DLGAP3: variants seen among roughly 807,000 people sequenced by gnomAD.
DLGAP3 encodes the protein disks large-associated protein 3.
DLGAP3 carries 17 observed loss-of-function variants against 81.2 expected under a neutral mutation model. The ratio of observed to expected loss-of-function variants is 0.21; its 90% CI spans 0.14 to 0.31. DLGAP3 has a LOEUF of 0.31. Among genes scored for constraint, DLGAP3 ranks in the 10% least tolerant of loss-of-function variants. The pLI, the probability that DLGAP3 is intolerant of heterozygous loss-of-function variation, is 1.00. For missense variants in DLGAP3, 1,124 were observed against 1,388.0 expected (o/e 0.81, Z 3.02); for synonymous variants, 577 against 587.4 (o/e 0.98, Z 0.26).
chr1:34,882,314 T>C (rs1264712719), intron 8 of DLGAP3, among the ~76,000 whole-genome samples: 1 of 152,004 alleles, frequency 6.6e-6, no homozygotes, highest in African/African-American at 2.4e-5. Context: ...CCATCTCTAC[T>C]GAAAACACAA....
At chr1:34,880,496 T>C (rs942168353) in intron 8 of DLGAP3, among the ~76,000 whole-genome samples, 12 of 152,148 alleles carry the variant, frequency 7.9e-5, no homozygotes, top group African/African-American at 2.4e-4. Flanking sequence ...TTTGGGAGGC[T>C]GAGGCGGGCG....
chr1:34,926,850 G>C (rs766985265), intron 1 of DLGAP3, among the ~76,000 whole-genome samples: 2 of 152,156 alleles, frequency 1.3e-5, no homozygotes, highest in Non-Finnish European at 2.9e-5. Flanking sequence ...AGCCCCAGAA[G>C]TTTCTCTATT....
At chr1:34,918,219 C>T (rs778818771) in intron 1 of DLGAP3, among the ~76,000 whole-genome samples, 12 of 152,208 alleles carry the variant, frequency 7.9e-5, no homozygotes, top group Admixed American at 1.3e-4. Flanking sequence ...AGACAGCCTG[C>T]CACCATCCAC....
chr1:34,866,108 A>ATGTAGATCTCGATGC lies in DLGAP3; in HGVS notation c.2900_2914dup (p.Ser967_Tyr971dup). The ATGTAGATCTCGATGC allele has an allele frequency of 6.3e-7, 1 of 1,578,686 alleles. No homozygotes were observed. The highest frequency in any genetic ancestry group is 8.6e-7 in the Non-Finnish European group (1 of 1,168,832). ...TCACAGCCTGGTCTGGGCCTCGGGGATGTAGATCTCGATGCTGTCGGCGCT... is the reference window on the plus strand; with the variant it reads ...TCACAGCCTGGTCTGGGCCTCGGGGATGTAGATCTCGATGCTGTAGATCTCGATGCTGTCGGCGCT... On this transcript the variant is annotated inframe_insertion, in exon 12 of 12. Transcript: ENST00000373347.
At chr1:34,906,406 A>G (rs1232125731) in intron 2 of DLGAP3, among the ~76,000 whole-genome samples, 5 of 151,998 alleles carry the variant, frequency 3.3e-5, no homozygotes, top group Non-Finnish European at 7.4e-5. Flanking sequence ...AGAACACTGG[A>G]CCCAAATCTA....
intron 1 of DLGAP3, among the ~76,000 whole-genome samples, chr1:34,926,339 T>C (rs1201542514): frequency 6.6e-6 from 1 of 152,162 alleles, no homozygotes; most frequent in African/African-American, 2.4e-5. Context: ...TTAGCAATGA[T>C]GAGCTGGCAC....
At chr1:34,890,607 G>A (rs1639296525) in intron 5 of DLGAP3, among the ~76,000 whole-genome samples, 1 of 152,214 alleles carries the variant, frequency 6.6e-6, no homozygotes, top group Non-Finnish European at 1.5e-5. Context: ...GCTATGCTGT[G>A]AGTAGCCCTG....
At chr1:34,919,119 C>T (rs994674039) in intron 1 of DLGAP3, among the ~76,000 whole-genome samples, 1 of 152,202 alleles carries the variant, frequency 6.6e-6, no homozygotes, top group East Asian at 1.9e-4. Flanking sequence ...GGCTGCAGCA[C>T]CCTGGCCCCT....
At position 34,904,825 on chromosome 1, in the gene DLGAP3, G is replaced by A; in HGVS notation, c.559C>T (p.Leu187=). The A allele has an allele frequency of 6.2e-7, 1 of 1,610,272 alleles. No individual in the cohort carries two copies. Among genetic ancestry groups the A allele is most frequent in the Non-Finnish European group, 8.5e-7 (1 of 1,180,026 alleles). The change falls in exon 3 of 12, where the codon CTG becomes TTG. Residue 187 remains leucine, a synonymous_variant. Coordinates refer to ENST00000373347, the MANE Select transcript of DLGAP3 (RefSeq NM_001080418.3). The surrounding 1 kb of genome is among the most constrained non-coding windows in gnomAD (Gnocchi z 8.1). ...TAGTCCCGCTTCCCCGGCGCCTCCA[G>A]AGAGTGGGACTTGGCAAAGAGCTTC... ...VQKLFAKSHS[L]EAPGKRDYNG...
chr1:34,928,605 C>T (rs1358852402), intron 1 of DLGAP3, among the ~76,000 whole-genome samples: 2 of 152,296 alleles, frequency 1.3e-5, no homozygotes, highest in African/African-American at 2.4e-5. Flanking sequence ...AGTCTCATCT[C>T]CCTGTCCCAT....
chr1:34,872,447 T>C (rs1348189986), intron 8 of DLGAP3, among the ~76,000 whole-genome samples: 4 of 152,086 alleles, frequency 2.6e-5, no homozygotes, highest in South Asian at 4.2e-4. Flanking sequence ...TAAAGAGGGA[T>C]ATTTTGTTTT....
At chr1:34,874,837 G>A (rs935045711) in intron 8 of DLGAP3, among the ~76,000 whole-genome samples, 1 of 151,916 alleles carries the variant, frequency 6.6e-6, no homozygotes, top group African/African-American at 2.4e-5. Context: ...GAGGGGGAGT[G>A]GGCAGGGAGG....
chr1:34,920,741 T>C (rs1240426538), intron 1 of DLGAP3, among the ~76,000 whole-genome samples: 5 of 152,184 alleles, frequency 3.3e-5, no homozygotes, highest in Non-Finnish European at 7.3e-5. Flanking sequence ...TCAACAAATA[T>C]GTATCGACTG....
rs371298388 is a variant in DLGAP3, at chr1:34,913,166, G to C, written c.-134-5729C>G. 4.1e-4 allele frequency among the ~76,000 whole-genome samples: 62 copies of C among 152,306 alleles called. No individual in the cohort carries two copies. The East Asian group carries it at 8.5e-3, about 21-fold the overall frequency. Reference sequence around the variant, plus strand: ...GGGGGAACAGAAAGGAAGGAGGAAGGCTTGCCGTTTTATTCATTCATCTTT... The same window carrying C: ...GGGGGAACAGAAAGGAAGGAGGAAGCCTTGCCGTTTTATTCATTCATCTTT... On this transcript the variant is annotated intron_variant, in intron 1 of 11. Transcript: ENST00000373347.
rs1481177610 is a variant in DLGAP3, at chr1:34,902,970, C to T, written c.1107+1307G>A. Among the ~76,000 whole-genome samples, 1 of 152,134 alleles carries T rather than the reference C, an allele frequency of 6.6e-6. No homozygotes were observed. Among genetic ancestry groups the T allele is most frequent in the Non-Finnish European group, 1.5e-5 (1 of 67,994 alleles). The stretch of plus-strand genomic sequence containing the variant: ...CCTCCCTACCCAGGGAGGGGGCAAA[C>T]CAGGCCAATCCAGAAGTCCCTTCTT... On this transcript the variant is annotated intron_variant, in intron 3 of 11. Transcript: ENST00000373347. The surrounding 1 kb of genome is among the most constrained non-coding windows in gnomAD (Gnocchi z 4.4).
At chr1:34,922,924 A>G (rs1421096639) in intron 1 of DLGAP3, among the ~76,000 whole-genome samples, 2 of 151,740 alleles carry the variant, frequency 1.3e-5, no homozygotes, top group Non-Finnish European at 2.9e-5. Flanking sequence ...GACACATCCC[A>G]TTCCCACCCA....
chr1:34,903,784 T>C (rs1401312115), intron 3 of DLGAP3, among the ~76,000 whole-genome samples: 1 of 152,076 alleles, frequency 6.6e-6, no homozygotes, highest in East Asian at 1.9e-4. Context: ...ATGACAAACC[T>C]CAGCAGAGGC....
rs1481839932 is a variant in DLGAP3 at position 34,921,069 on chromosome 1, G to A, written c.-135+8382C>T. Among the ~76,000 whole-genome samples the A allele has an allele frequency of 1.9e-4, 29 of 152,158 alleles. 1 individual carries two copies. Among genetic ancestry groups the A allele is most frequent in the Admixed American group, 1.2e-3 (18 of 15,286 alleles). ...TTTCAGGCTGAGGGGAAAAGCAAGC[G>A]CAATTGCCTCCACAAGGAACTGTGC... is the stretch of plus-strand genomic sequence containing the variant. On this transcript the variant is annotated intron_variant, in intron 1 of 11. Transcript: ENST00000373347.
Position 34,904,527 on chromosome 1 carries a change from G to A in DLGAP3, c.857C>T (p.Pro286Leu). ...CCCATCTGGACCCTCCAGGCAGAAGGGACCACCAGGCTCCCCAGGGGGCCT... is the reference window on the plus strand; with the variant it reads ...CCCATCTGGACCCTCCAGGCAGAAGAGACCACCAGGCTCCCCAGGGGGCCT... ...GGRPPGEPGG[P>L]FCLEGPDGSY... Residue 286 changes from proline to leucine, a missense_variant, in exon 3 of 12, where the codon CCC (proline) becomes CTC (leucine). Physicochemically the swap from Pro to Leu is moderately conservative, Grantham distance 98. Around this residue, in one of 9 missense-constraint regions of DLGAP3, gnomAD observed 357 missense variants for 408.8 expected, o/e 0.87. Coordinates refer to ENST00000373347, the MANE Select transcript of DLGAP3 (RefSeq NM_001080418.3). This position sits in a 1 kb window ranked among gnomAD's most constrained non-coding sequence, Gnocchi z 8.1. 1.2e-6 allele frequency: 2 copies of A among 1,614,164 alleles called. No homozygotes were observed. Among genetic ancestry groups the A allele is most frequent in the Non-Finnish European group, 1.7e-6 (2 of 1,179,982 alleles).
Sources: allele counts gnomAD v4.1 joint callset (sites outside exome capture counted in the v4.1 genomes callset), GRCh38; gene constraint gnomAD v4.1.1; regional missense constraint gnomAD v4.1.1; non-coding constraint Gnocchi (gnomAD v3.1); transcripts MANE v1.5; gene names NCBI Gene and HGNC (gene_info 2026-07-23, HGNC 2026-07-21).